The following CNTNAP2 variants were observed in gnomAD, a reference collection of about 807,000 sequenced individuals.
The protein encoded by CNTNAP2 is contactin-associated protein-like 2.
Under a neutral mutation model 155.2 loss-of-function variants are expected in CNTNAP2, and 98 were observed. The observed-to-expected ratio is 0.63, with a 90% CI of 0.54 to 0.75. CNTNAP2 has a LOEUF of 0.75. Ranked by LOEUF, CNTNAP2 falls within the 30% of genes least tolerant of loss-of-function variation. The pLI, the probability that CNTNAP2 is intolerant of heterozygous loss-of-function variation, is 0.00. For missense variants in CNTNAP2, 1,727 were observed against 1,688.1 expected (o/e 1.02, Z -0.40); for synonymous variants, 651 against 631.2 (o/e 1.03, Z -0.47).
At chr7:146,483,282 AATATATATATATATATATATATATATAT>A (rs200796835) in intron 1 of CNTNAP2, among the ~76,000 whole-genome samples, 22 of 39,880 alleles carry the variant, frequency 5.5e-4, no homozygotes, top group South Asian at 2.5e-3. Context: ...TCTAAAAAAA[AATATATATATATATATATATATATATAT>A]ATATATATAT....
chr7:147,400,426 T>C (rs933983402), intron 10 of CNTNAP2, among the ~76,000 whole-genome samples: 10 of 152,222 alleles, frequency 6.6e-5, no homozygotes, highest in Admixed American at 6.5e-4. Context: ...GACCTGTTTT[T>C]CTGTGGTTGT....
chr7:148,129,533 C>A (rs1804783777), intron 16 of CNTNAP2, among the ~76,000 whole-genome samples: 1 of 152,098 alleles, frequency 6.6e-6, no homozygotes, highest in Non-Finnish European at 1.5e-5. Context: ...TTAAGATATG[C>A]ACATTTTACC....
chr7:147,510,258 C>T (rs981719998), intron 11 of CNTNAP2, among the ~76,000 whole-genome samples: 10 of 152,150 alleles, frequency 6.6e-5, no homozygotes, highest in South Asian at 2.1e-4. Flanking sequence ...GGCTAAAACC[C>T]AGTATTTAGT....
chr7:148,156,780 G>A (rs1805407314), intron 17 of CNTNAP2, among the ~76,000 whole-genome samples: 1 of 152,074 alleles, frequency 6.6e-6, no homozygotes, highest in African/African-American at 2.4e-5. Context: ...CATCTCAGTA[G>A]GTGGCATCAC....
At chr7:146,482,875 C>G (rs1052098905) in intron 1 of CNTNAP2, among the ~76,000 whole-genome samples, 1 of 152,054 alleles carries the variant, frequency 6.6e-6, no homozygotes, top group Non-Finnish European at 1.5e-5. Context: ...AAAAAACCTT[C>G]CAACAGTGAC....
At chr7:146,820,422 A>C (rs996887661) in intron 2 of CNTNAP2, among the ~76,000 whole-genome samples, 1 of 152,218 alleles carries the variant, frequency 6.6e-6, no homozygotes, top group Non-Finnish European at 1.5e-5. Flanking sequence ...TAGACAAAAC[A>C]TACAGACTTT....
chr7:147,748,147 G>A (rs1584935684), intron 13 of CNTNAP2, among the ~76,000 whole-genome samples: 2 of 152,188 alleles, frequency 1.3e-5, no homozygotes, highest in Admixed American at 6.5e-5. Flanking sequence ...AGATATAAAT[G>A]CAAATGACCT....
At chr7:148,286,266 A>T (rs1031023686) in intron 21 of CNTNAP2, among the ~76,000 whole-genome samples, 1 of 152,180 alleles carries the variant, frequency 6.6e-6, no homozygotes, top group African/African-American at 2.4e-5. Flanking sequence ...AAAGGGGACC[A>T]TGTCAATTCC....
At chr7:148,177,893 C>CTT (rs745673645) in intron 18 of CNTNAP2, among the ~76,000 whole-genome samples, 5 of 72,710 alleles carry the variant, frequency 6.9e-5, no homozygotes, top group African/African-American at 2.6e-4. Flanking sequence ...TGAACAGACA[C>CTT]TGTTTTTTTT....
At chr7:146,225,051 G>C (rs1780517334) in intron 1 of CNTNAP2, among the ~76,000 whole-genome samples, 2 of 152,120 alleles carry the variant, frequency 1.3e-5, no homozygotes, top group Non-Finnish European at 2.9e-5. Flanking sequence ...GGAAAGCTAA[G>C]AATCTTTTGT....
chr7:146,458,174 G>T (rs1373534356), intron 1 of CNTNAP2, among the ~76,000 whole-genome samples: 2 of 152,094 alleles, frequency 1.3e-5, no homozygotes, highest in Non-Finnish European at 2.9e-5. Context: ...GCATCAGGAA[G>T]AATAGCTAAT....
intron 21 of CNTNAP2, among the ~76,000 whole-genome samples, chr7:148,318,768 C>G (rs150847530): frequency 1.3e-5 from 2 of 152,274 alleles, no homozygotes; most frequent in African/African-American, 4.8e-5. Flanking sequence ...TACAACCAAC[C>G]GGCTCTTGAG....
intron 8 of CNTNAP2, among the ~76,000 whole-genome samples, chr7:147,254,038 C>G (rs1804264680): frequency 6.6e-6 from 1 of 152,168 alleles, no homozygotes. Flanking sequence ...CTTCAAGTAT[C>G]TCTGAATTCC....
chr7:146,302,881 T>C (rs1016845279), intron 1 of CNTNAP2, among the ~76,000 whole-genome samples: 2 of 152,180 alleles, frequency 1.3e-5, no homozygotes, highest in African/African-American at 4.8e-5. Flanking sequence ...GTGAAAAAGT[T>C]ATCCCCATAA....
chr7:147,797,649 T>A (rs1797919986), intron 13 of CNTNAP2, among the ~76,000 whole-genome samples: 1 of 152,170 alleles, frequency 6.6e-6, no homozygotes, highest in African/African-American at 2.4e-5. Flanking sequence ...ATAATGTGCC[T>A]TATGAATCTT....
At chr7:148,071,181 C>G (rs1053295149) in intron 15 of CNTNAP2, among the ~76,000 whole-genome samples, 2 of 152,140 alleles carry the variant, frequency 1.3e-5, no homozygotes, top group African/African-American at 4.8e-5. Context: ...TGTCACACAT[C>G]ATCAGGAGAA....
intron 9 of CNTNAP2, among the ~76,000 whole-genome samples, chr7:147,390,383 A>T (rs10251521): frequency 0.22 from 32,965 of 152,104 alleles, 4,328 homozygotes; most frequent in African/African-American, 0.37. Flanking sequence ...ATAATTTATT[A>T]TCTCTTACTT....
At chr7:146,310,424 A>G (rs1800799178) in intron 1 of CNTNAP2, among the ~76,000 whole-genome samples, 1 of 152,164 alleles carries the variant, frequency 6.6e-6, no homozygotes, top group South Asian at 2.1e-4. Flanking sequence ...AGGAGTAGAT[A>G]CTATTGCATT....
intron 8 of CNTNAP2, among the ~76,000 whole-genome samples, chr7:147,148,792 G>A (rs968224759): frequency 2.6e-5 from 4 of 152,174 alleles, no homozygotes; most frequent in African/African-American, 9.7e-5. Context: ...ACTGACTTCG[G>A]GAGTGAAGCC....
Sources: allele counts gnomAD v4.1 joint callset (sites outside exome capture counted in the v4.1 genomes callset), GRCh38; gene constraint gnomAD v4.1.1; transcripts MANE v1.5; gene names NCBI Gene and HGNC (gene_info 2026-07-23, HGNC 2026-07-21).